UBL3: variants seen among roughly 807,000 people sequenced by gnomAD.
UBL3 encodes ubiquitin-like protein 3.
Under a neutral mutation model 18.4 loss-of-function variants are expected in UBL3, and 6 were observed. The ratio of observed to expected loss-of-function variants is 0.33; its 90% CI spans 0.18 to 0.64. UBL3 has a LOEUF of 0.64. Ranked by LOEUF, UBL3 falls within the 30% of genes least tolerant of loss-of-function variation. The pLI is 0.76. For synonymous variants in UBL3, 49 were observed against 46.6 expected (o/e 1.05, Z -0.21); for missense variants, 109 against 142.9 (o/e 0.76, Z 1.21).
Position 29,764,920 on chromosome 13 carries a change from C to T in UBL3, c.*2335G>A, listed in dbSNP as rs1323239546. Reference sequence around the variant, plus strand: ...TTTAAAGGGACAGCTGAGTATTTCACGTATATACTATTAAGGCATCTAAAT... The same window carrying T: ...TTTAAAGGGACAGCTGAGTATTTCATGTATATACTATTAAGGCATCTAAAT... On this transcript the variant is annotated 3_prime_UTR_variant, in exon 5 of 5. Transcript: ENST00000380680. 2 of 152,090 alleles carry T rather than the reference C, an allele frequency of 1.3e-5. No individual in the cohort carries two copies. Among genetic ancestry groups the T allele is most frequent in the East Asian group, 1.9e-4 (1 of 5,196 alleles). 9.4% of individuals were successfully genotyped at this position (152,090 alleles called of 1,614,324 possible). A position where few individuals can be genotyped will look rare whatever the true frequency, so the allele number is the denominator to read the frequency against.
chr13:29,843,975 T>C (rs554242541), intron 1 of UBL3, among the ~76,000 whole-genome samples: 1 of 152,376 alleles, frequency 6.6e-6, no homozygotes, highest in South Asian at 2.1e-4. Flanking sequence ...GTGTGATTAA[T>C]CTTTGAGTTC....
chr13:29,816,387 T>A (rs1221829355), intron 1 of UBL3, among the ~76,000 whole-genome samples: 1 of 152,130 alleles, frequency 6.6e-6, no homozygotes, highest in Non-Finnish European at 1.5e-5. Flanking sequence ...TTTGACTATC[T>A]AAAACAAATC....
At chr13:29,827,391 G>A (rs961698735) in intron 1 of UBL3, among the ~76,000 whole-genome samples, 1 of 152,132 alleles carries the variant, frequency 6.6e-6, no homozygotes, top group Non-Finnish European at 1.5e-5. Context: ...TATATATTTA[G>A]GATAGTTAGC....
intron 2 of UBL3, among the ~76,000 whole-genome samples, chr13:29,772,600 C>T (rs1387438573): frequency 1.3e-5 from 2 of 151,854 alleles, no homozygotes; most frequent in Non-Finnish European, 2.9e-5. Flanking sequence ...ACATTTAAGG[C>T]TAGAAAACAG....
At chr13:29,827,817 C>A (rs897611255) in intron 1 of UBL3, among the ~76,000 whole-genome samples, 17 of 152,152 alleles carry the variant, frequency 1.1e-4, no homozygotes, top group African/African-American at 4.1e-4. Context: ...GTGGCTGGTA[C>A]CTGTTGTTGC....
intron 3 of UBL3, 97 bp downstream of exon 3, chr13:29,772,015 A>T: frequency 9.4e-7 from 1 of 1,067,692 alleles, no homozygotes; most frequent in Non-Finnish European, 1.4e-6. Context: ...TGAATTTATC[A>T]TTTTTTTTAG....
At chr13:29,839,193 T>G (rs1593677238) in intron 1 of UBL3, among the ~76,000 whole-genome samples, 2 of 152,246 alleles carry the variant, frequency 1.3e-5, no homozygotes. Context: ...ATTAATAAAT[T>G]TAATTGCTAT....
chr13:29,839,745 G>A (rs183789605), intron 1 of UBL3, among the ~76,000 whole-genome samples: 9 of 152,218 alleles, frequency 5.9e-5, no homozygotes, highest in African/African-American at 2.2e-4. Flanking sequence ...GGCTAACACG[G>A]TGAGACCCCG....
At chr13:29,768,690 C>T (rs1394208846) in intron 3 of UBL3, among the ~76,000 whole-genome samples, 2 of 151,942 alleles carry the variant, frequency 1.3e-5, no homozygotes, top group African/African-American at 4.8e-5. Context: ...GTTGGCCAGC[C>T]ATTATTTGGT....
At chr13:29,847,847 G>A (rs1879266487) in intron 1 of UBL3, among the ~76,000 whole-genome samples, 1 of 152,126 alleles carries the variant, frequency 6.6e-6, no homozygotes, top group Admixed American at 6.5e-5. Context: ...GCAGTATGGA[G>A]GAAAGCTTGT....
At chr13:29,827,071 C>G (rs971172240) in intron 1 of UBL3, among the ~76,000 whole-genome samples, 2 of 152,140 alleles carry the variant, frequency 1.3e-5, no homozygotes, top group Admixed American at 6.6e-5. Context: ...AATTTCTGTT[C>G]TTTTACATTT....
At chr13:29,772,002 G>A in intron 3 of UBL3, 110 bp downstream of exon 3, 1 of 943,598 alleles carries the variant, frequency 1.1e-6, no homozygotes, top group Non-Finnish European at 1.6e-6. Context: ...AGAATTCATA[G>A]TTTGAATTTA....
chr13:29,849,310 A>T (rs1303215135), intron 1 of UBL3, among the ~76,000 whole-genome samples: 5 of 152,218 alleles, frequency 3.3e-5, no homozygotes, highest in Non-Finnish European at 7.3e-5. Context: ...TGCTTTAGAA[A>T]ACACGACCAA....
chr13:29,806,575 G>A (rs1877904039), intron 1 of UBL3, among the ~76,000 whole-genome samples: 1 of 152,128 alleles, frequency 6.6e-6, no homozygotes, highest in African/African-American at 2.4e-5. Context: ...GGAGTATGGT[G>A]GGTGCAGTGC....
intron 1 of UBL3, among the ~76,000 whole-genome samples, chr13:29,823,579 A>C (rs902816329): frequency 1.3e-5 from 2 of 152,194 alleles, no homozygotes; most frequent in African/African-American, 4.8e-5. Context: ...AGAAAGAATA[A>C]ATGTCATTAA....
intron 1 of UBL3, among the ~76,000 whole-genome samples, chr13:29,794,183 T>C (rs903098146): frequency 6.6e-6 from 1 of 152,160 alleles, no homozygotes; most frequent in African/African-American, 2.4e-5. Context: ...AGTCAAGATG[T>C]TAATGTTTGA....
intron 1 of UBL3, among the ~76,000 whole-genome samples, chr13:29,785,277 T>C (rs1315684717): frequency 6.6e-6 from 1 of 152,222 alleles, no homozygotes; most frequent in Non-Finnish European, 1.5e-5. Context: ...GAAAACTGGG[T>C]GAACAGTGTT....
chr13:29,781,000 C>T (rs1877158773), intron 1 of UBL3, among the ~76,000 whole-genome samples: 1 of 152,100 alleles, frequency 6.6e-6, no homozygotes, highest in Non-Finnish European at 1.5e-5. Context: ...CTGGTGAAAC[C>T]CGGTCTCTAA....
At chr13:29,803,943 A>G (rs1265796340) in intron 1 of UBL3, among the ~76,000 whole-genome samples, 1 of 152,030 alleles carries the variant, frequency 6.6e-6, no homozygotes, top group African/African-American at 2.4e-5. Flanking sequence ...AAAAGACCTA[A>G]CAGACATCTA....
Sources: allele counts gnomAD v4.1 joint callset (sites outside exome capture counted in the v4.1 genomes callset), GRCh38; gene constraint gnomAD v4.1.1; transcripts MANE v1.5; gene names NCBI Gene and HGNC (gene_info 2026-07-23, HGNC 2026-07-21).